Variants in UBE3B observed in about 807,000 individuals in gnomAD.
UBE3B encodes ubiquitin-protein ligase E3B.
Under a neutral mutation model 132.3 loss-of-function variants are expected in UBE3B, and 80 were observed. That is an observed-to-expected ratio of 0.60 (90% CI 0.50 to 0.73). UBE3B has a LOEUF of 0.73. UBE3B is among the 30% of genes least tolerant of loss of function. The pLI is 0.00. For synonymous variants in UBE3B, 487 were observed against 520.4 expected (o/e 0.94, Z 0.87); for missense variants, 1,196 against 1,362.5 (o/e 0.88, Z 1.92).
intron 7 of UBE3B, among the ~76,000 whole-genome samples, chr12:109,489,196 T>C (rs1877003230): frequency 6.6e-6 from 1 of 152,210 alleles, no homozygotes; most frequent in African/African-American, 2.4e-5. Flanking sequence ...GGACTTTAGG[T>C]GCTCCCTTCC....
chr12:109,540,575 A>G (rs1883590322), downstream of UBE3B, among the ~76,000 whole-genome samples: 1 of 152,152 alleles, frequency 6.6e-6, no homozygotes, highest in South Asian at 2.1e-4. Flanking sequence ...TCTGGTTTTT[A>G]TGGGGCCATG....
At chr12:109,515,260 C>T (rs976895098) in intron 18 of UBE3B, among the ~76,000 whole-genome samples, 8 of 151,928 alleles carry the variant, frequency 5.3e-5, no homozygotes, top group African/African-American at 1.7e-4. Context: ...TTTTTTGTTA[C>T]AATCATATTT....
In UBE3B at chr12:109,497,824, G is replaced by A. The variant is rs145724590; in HGVS notation, c.720G>A (p.Val240=). 10 of 1,614,004 alleles carry A rather than the reference G, an allele frequency of 6.2e-6. No individual in the cohort carries two copies. The African/African-American group carries it at 1.1e-4, about 17-fold the overall frequency. Residue 240 remains valine (V), a synonymous_variant, in exon 10 of 28, where the codon GTG becomes GTA. Transcript: ENST00000342494. ...TAAFSLALRP[V]IAAQFSDNLI... is the part of the protein sequence containing the mutation. ...TGGATCTATCTGTGTCTAGCCCTGT[G>A]ATTGCTGCACAGTTCTCAGACAATC... is the stretch of plus-strand genomic sequence containing the variant.
At chr12:109,486,178 A>G (rs190858458) in intron 5 of UBE3B, 107 bp downstream of exon 5, 19 of 1,178,146 alleles carry the variant, frequency 1.6e-5, no homozygotes, top group African/African-American at 1.2e-4. Flanking sequence ...ACAAATGCAA[A>G]TAAGTAGTGG....
chr12:109,499,168 C>T (rs936481481), intron 11 of UBE3B, among the ~76,000 whole-genome samples: 15 of 152,168 alleles, frequency 9.9e-5, no homozygotes, highest in Admixed American at 9.8e-4. Context: ...GTGACGTTGA[C>T]TAACTGGTGA....
At position 109,521,027 on chromosome 12, in the gene UBE3B, G is replaced by A. The variant is rs1592954221; in HGVS notation, c.2077-121G>A. On this transcript the variant is annotated intron_variant, in intron 19 of 27. Coordinates refer to ENST00000342494, the MANE Select transcript of UBE3B (RefSeq NM_130466.4). The surrounding 1 kb of genome is among the most constrained non-coding windows in gnomAD (Gnocchi z 4.2). ...AGAACGGCTCCTGTCATGCATCCACGTTTCATAATTTGCACATTTGGTAAT... is the reference window on the plus strand; with the variant it reads ...AGAACGGCTCCTGTCATGCATCCACATTTCATAATTTGCACATTTGGTAAT... The A allele has an allele frequency of 3.5e-6, 4 of 1,158,210 alleles. No individual in the cohort carries two copies. Among genetic ancestry groups the A allele is most frequent in the Non-Finnish European group, 3.7e-6 (3 of 819,508 alleles). The allele number at this position is 1,158,210 out of a possible 1,614,324, so 71.7% of individuals were successfully genotyped here.
intron 25 of UBE3B, 33 bp from the exon 26 acceptor site, chr12:109,530,514 A>C: frequency 6.2e-7 from 1 of 1,600,796 alleles, no homozygotes; most frequent in South Asian, 1.1e-5. Flanking sequence ...CCACGCTAGC[A>C]CATTGCTGAG....
chr12:109,523,085 A>ATGGGACCTGC (rs1424980678), intron 21 of UBE3B, among the ~76,000 whole-genome samples: 1 of 152,124 alleles, frequency 6.6e-6, no homozygotes, highest in Non-Finnish European at 1.5e-5. Context: ...ACGAGAGAAG[A>ATGGGACCTGC]TGGGACCTGC....
intron 19 of UBE3B, chr12:109,517,831 GC>G: frequency 5.9e-6 from 2 of 341,734 alleles, no homozygotes; most frequent in South Asian, 4.4e-5. Flanking sequence ...CCAGCAGATG[GC>G]TTCTGGCAGC....
Position 109,489,793 on chromosome 12 carries a change from AG to A in UBE3B, c.545-123del, listed in dbSNP as rs933330173. ...GCTCTGGCACCAGGCCTAAGGGAAA[AG>A]GGAGGCAAGCCAGGGGGTATCTCAT... On this transcript the variant is annotated intron_variant, in intron 7 of 27. Coordinates refer to ENST00000342494, the MANE Select transcript of UBE3B (RefSeq NM_130466.4). The A allele has an allele frequency of 4.1e-5, 34 of 828,778 alleles. No individual in the cohort carries two copies. The African/African-American group carries it at 5.6e-4, about 14-fold the overall frequency. 51.3% of individuals were successfully genotyped at this position (828,778 alleles called of 1,614,324 possible).
intron 1 of UBE3B, among the ~76,000 whole-genome samples, chr12:109,479,492 GA>G (rs2135725180): frequency 6.6e-6 from 1 of 152,308 alleles, no homozygotes; most frequent in Admixed American, 6.5e-5. Flanking sequence ...ATGTCGGATA[GA>G]AGGAGTACTA....
intron 1 of UBE3B, among the ~76,000 whole-genome samples, chr12:109,479,398 C>T (rs1874946282): frequency 6.6e-6 from 1 of 152,172 alleles, no homozygotes; most frequent in Admixed American, 6.5e-5. Context: ...ATCCTTTCAG[C>T]AACCCTAGGA....
rs752272938 is a variant in UBE3B at position 109,530,588 on chromosome 12, G to A, written c.2852G>A (p.Arg951Lys). 1 of 1,614,104 alleles carries A rather than the reference G, an allele frequency of 6.2e-7. No homozygotes were observed. Among genetic ancestry groups the A allele is most frequent in the East Asian group, 2.2e-5 (1 of 44,896 alleles). ...TACGGTGGTTTCCATGGAAGTCACA[G>A]AGTCATCATCTGGCTCTGGGATATT... Reference protein sequence around the residue: ...VYYGGFHGSHRVIIWLWDILA... With the variant: ...VYYGGFHGSHKVIIWLWDILA... Residue 951 changes from arginine to lysine, a missense_variant, in exon 26 of 28, where the codon AGA (arginine) becomes AAA (lysine). By Grantham distance (26) the Arg-to-Lys change is conservative (BLOSUM62 2). Transcript: ENST00000342494.
At chr12:109,480,952 T>C (rs2135737734) in intron 1 of UBE3B, among the ~76,000 whole-genome samples, 1 of 152,250 alleles carries the variant, frequency 6.6e-6, no homozygotes, top group African/African-American at 2.4e-5. Context: ...AGCCCTTTAT[T>C]CACTTCTAAG....
intron 15 of UBE3B, chr12:109,509,056 T>G (rs1438059005): frequency 3.3e-5 from 5 of 152,270 alleles, no homozygotes; most frequent in African/African-American, 1.2e-4. Flanking sequence ...TTTTCTTAAT[T>G]GTATTTTTTA....
chr12:109,498,386 C>T, intron 11 of UBE3B, 33 bp downstream of exon 11: 1 of 1,603,558 alleles, frequency 6.2e-7, no homozygotes, highest in Non-Finnish European at 8.5e-7. Context: ...TGATTGTGTC[C>T]TGGCCATCAG....
intron 19 of UBE3B, among the ~76,000 whole-genome samples, chr12:109,517,608 C>T (rs1203978340): frequency 6.6e-6 from 1 of 152,208 alleles, no homozygotes; most frequent in East Asian, 1.9e-4. Flanking sequence ...TTGTATAGTG[C>T]ACAGCCTACC....
chr12:109,478,371 A>G (rs1874701014), intron 1 of UBE3B, among the ~76,000 whole-genome samples: 2 of 152,196 alleles, frequency 1.3e-5, no homozygotes, highest in South Asian at 4.1e-4. Flanking sequence ...TGTTTTGGAT[A>G]TACATGGATT....
rs1878406696 is a variant in UBE3B at position 109,497,676 on chromosome 12, A to C, written c.714-142A>C. ...ACTGACTTGTCCATTTCCCCAGTGT[A>C]TGTCCCCAATTTCAGCCTTCAGTTT... is the stretch of plus-strand genomic sequence containing the variant. On this transcript the variant is annotated intron_variant, in intron 9 of 27. Coordinates refer to ENST00000342494, the MANE Select transcript of UBE3B (RefSeq NM_130466.4). 3 of 779,722 alleles carry C rather than the reference A, an allele frequency of 3.8e-6. No homozygotes were observed. In the Admixed American group the frequency reaches 6.4e-5, roughly 17 times the overall value. The allele number at this position is 779,722 out of a possible 1,614,324, so 48.3% of individuals were successfully genotyped here.
Sources: allele counts gnomAD v4.1 joint callset (sites outside exome capture counted in the v4.1 genomes callset), GRCh38; gene constraint gnomAD v4.1.1; non-coding constraint Gnocchi (gnomAD v3.1); transcripts MANE v1.5; gene names NCBI Gene and HGNC (gene_info 2026-07-23, HGNC 2026-07-21).